GAREM1: variants seen among roughly 807,000 people sequenced by gnomAD.
GAREM1 encodes GRB2 associated regulator of MAPK1 subtype 1, also known as GRB2-associated and regulator of MAPK protein 1.
Under a neutral mutation model 71.3 loss-of-function variants are expected in GAREM1, and 26 were observed. That is an observed-to-expected ratio of 0.36 (90% CI 0.27 to 0.51). The LOEUF (loss-of-function observed/expected upper bound fraction) is 0.51. Among genes scored for constraint, GAREM1 ranks in the 20% least tolerant of loss-of-function variants. The pLI, the probability that GAREM1 is intolerant of heterozygous loss-of-function variation, is 0.95. For missense variants in GAREM1, 1,026 were observed against 1,103.1 expected (o/e 0.93, Z 0.99); for synonymous variants, 440 against 433.2 (o/e 1.02, Z -0.20).
chr18:32,341,062 T>A (rs145209210), intron 2 of GAREM1, among the ~76,000 whole-genome samples: 2,416 of 152,284 alleles, frequency 0.016, 22 homozygotes, highest in Non-Finnish European at 0.025. Context: ...ATGTGCCATG[T>A]TGGTGTGCTG....
chr18:32,303,321 A>G (rs1012662258), intron 3 of GAREM1, among the ~76,000 whole-genome samples: 2 of 152,208 alleles, frequency 1.3e-5, no homozygotes, highest in Admixed American at 1.3e-4. Flanking sequence ...ACCCAATGCC[A>G]AATCGAAGGC....
At chr18:32,426,615 A>G (rs2048578206) in intron 1 of GAREM1, among the ~76,000 whole-genome samples, 1 of 152,098 alleles carries the variant, frequency 6.6e-6, no homozygotes, top group African/African-American at 2.4e-5. Flanking sequence ...TTCTTTTTCT[A>G]TAGAAATTCC....
Position 32,334,250 on chromosome 18 carries a change from C to T in GAREM1, c.263-23927G>A, listed in dbSNP as rs556055621. 4.6e-5 allele frequency among the ~76,000 whole-genome samples: 7 copies of T among 151,966 alleles called. No individual in the cohort carries two copies. The South Asian group carries it at 1.3e-3, about 27-fold the overall frequency. On this transcript the variant is annotated intron_variant, in intron 2 of 5. Coordinates refer to ENST00000269209, the MANE Select transcript of GAREM1 (RefSeq NM_001242409.2). The stretch of plus-strand genomic sequence containing the variant: ...CACACCCCGAGGGGGGCACATTTTC[C>T]AGGCAGTTCGGATGTGCGACGAGAA...
intron 1 of GAREM1, among the ~76,000 whole-genome samples, chr18:32,468,875 T>C (rs2049022623): frequency 6.6e-6 from 1 of 151,710 alleles, no homozygotes; most frequent in South Asian, 2.1e-4. Context: ...CACACACCAG[T>C]TCAGGTCTGC....
chr18:32,417,705 A>G (rs1426100363), intron 1 of GAREM1, among the ~76,000 whole-genome samples: 1 of 152,074 alleles, frequency 6.6e-6, no homozygotes, highest in African/African-American at 2.4e-5. Context: ...ACATAGAAGC[A>G]TGGTTACAAG....
intron 3 of GAREM1, among the ~76,000 whole-genome samples, chr18:32,292,026 C>G (rs542851611): frequency 7.9e-5 from 12 of 152,274 alleles, no homozygotes; most frequent in Middle Eastern, 3.4e-3. Flanking sequence ...ATTGCTGGGT[C>G]AAATGGTATT....
chr18:32,332,702 A>G (rs2047549509), intron 2 of GAREM1, among the ~76,000 whole-genome samples: 1 of 152,074 alleles, frequency 6.6e-6, no homozygotes, highest in Non-Finnish European at 1.5e-5. Context: ...GTCTCCTACC[A>G]CACCATCTGA....
At chr18:32,439,052 T>C (rs1195005488) in intron 1 of GAREM1, among the ~76,000 whole-genome samples, 1 of 152,184 alleles carries the variant, frequency 6.6e-6, no homozygotes, top group East Asian at 1.9e-4. Flanking sequence ...CCTCACTCCG[T>C]TGCTCTAATT....
intron 4 of GAREM1, among the ~76,000 whole-genome samples, chr18:32,274,575 T>C (rs942599527): frequency 1.3e-5 from 2 of 152,198 alleles, no homozygotes; most frequent in African/African-American, 2.4e-5. Flanking sequence ...CCCAAGGCTC[T>C]GTGCGACCAG....
chr18:32,431,182 T>C (rs2048621180), intron 1 of GAREM1, among the ~76,000 whole-genome samples: 2 of 152,062 alleles, frequency 1.3e-5, no homozygotes, highest in African/African-American at 4.8e-5. Flanking sequence ...AATCTGAAGA[T>C]AAATCAATAG....
intron 1 of GAREM1, among the ~76,000 whole-genome samples, chr18:32,414,347 G>A (rs748986982): frequency 2.6e-5 from 4 of 151,976 alleles, no homozygotes; most frequent in Non-Finnish European, 5.9e-5. Context: ...ACCGAAGAAA[G>A]AGAGACAGTT....
intron 3 of GAREM1, among the ~76,000 whole-genome samples, chr18:32,297,834 T>C (rs555698367): frequency 1.3e-5 from 2 of 152,332 alleles, no homozygotes; most frequent in South Asian, 2.1e-4. Context: ...TGAATAAAGA[T>C]GGAGACAGGG....
intron 4 of GAREM1, among the ~76,000 whole-genome samples, chr18:32,285,710 A>G (rs879307178): frequency 1.3e-5 from 2 of 152,122 alleles, no homozygotes; most frequent in Non-Finnish European, 2.9e-5. Context: ...ATTGTTTATC[A>G]CCTTTTAACT....
chr18:32,390,783 G>A (rs1038431058), intron 2 of GAREM1, among the ~76,000 whole-genome samples: 1 of 152,072 alleles, frequency 6.6e-6, no homozygotes, highest in Non-Finnish European at 1.5e-5. Context: ...TAGAACAATG[G>A]GTTCCCAACA....
chr18:32,292,148 C>T (rs1368034311), intron 3 of GAREM1, among the ~76,000 whole-genome samples: 2 of 152,180 alleles, frequency 1.3e-5, no homozygotes, highest in Non-Finnish European at 2.9e-5. Context: ...TCCTTTCCAG[C>T]ATCTGTTGTT....
chr18:32,338,779 T>G (rs943921436), intron 2 of GAREM1, among the ~76,000 whole-genome samples: 3 of 152,256 alleles, frequency 2.0e-5, no homozygotes, highest in Non-Finnish European at 4.4e-5. Context: ...TGATGGTTAA[T>G]GTTGTGTCAA....
At chr18:32,369,636 A>G (rs16963272) in intron 2 of GAREM1, among the ~76,000 whole-genome samples, 13,643 of 152,212 alleles carry the variant, frequency 0.09, 982 homozygotes, top group African/African-American at 0.2. Context: ...TGAAAACATC[A>G]AGGATTCTTT....
chr18:32,378,836 C>T (rs2048066153), intron 2 of GAREM1, among the ~76,000 whole-genome samples: 1 of 152,194 alleles, frequency 6.6e-6, no homozygotes, highest in South Asian at 2.1e-4. Flanking sequence ...TTGCTATTTC[C>T]ACTTTACTTA....
chr18:32,331,304 T>C (rs1404209202), intron 2 of GAREM1, among the ~76,000 whole-genome samples: 2 of 152,194 alleles, frequency 1.3e-5, no homozygotes, highest in Non-Finnish European at 2.9e-5. Context: ...TTTCTCTACA[T>C]ATACTATGAA....
Sources: gnomAD v4.1 joint callset for allele counts (sites outside exome capture counted in the v4.1 genomes callset) on GRCh38, gnomAD v4.1.1 for gene constraint, MANE v1.5 for transcripts, NCBI Gene and HGNC (gene_info 2026-07-23, HGNC 2026-07-21) for gene names.